The following AVEN variants were observed in gnomAD, a reference collection of about 807,000 sequenced individuals.
AVEN encodes cell death regulator Aven.
Under a neutral mutation model 38.1 loss-of-function variants are expected in AVEN, and 41 were observed. That is an observed-to-expected ratio of 1.08 (90% CI 0.84 to 1.40). AVEN has a LOEUF of 1.40. Among genes scored for constraint, AVEN ranks in the 40% most tolerant of loss-of-function variants. The probability of loss-of-function intolerance (pLI) is 0.00; values close to 1 mark genes in which losing one functional copy is unlikely to be tolerated. For missense variants in AVEN, 605 were observed against 438.8 expected (o/e 1.38, Z -3.38); for synonymous variants, 206 against 171.8 (o/e 1.20, Z -1.56).
At chr15:33,965,997 C>T (rs760558195) in intron 2 of AVEN, among the ~76,000 whole-genome samples, 2 of 152,088 alleles carry the variant, frequency 1.3e-5, no homozygotes, top group Non-Finnish European at 2.9e-5. Context: ...TCCACAATGG[C>T]TGAAGTATAA....
intron 2 of AVEN, chr15:34,067,360 C>G (rs538765770): frequency 6.6e-6 from 1 of 152,138 alleles, no homozygotes; most frequent in African/African-American, 2.4e-5. Context: ...CTCCAGTTGT[C>G]TACTGTAAAT....
At chr15:34,022,021 T>A (rs1898223918) in intron 1 of AVEN, among the ~76,000 whole-genome samples, 1 of 152,152 alleles carries the variant, frequency 6.6e-6, no homozygotes, top group African/African-American at 2.4e-5. Context: ...CAAGTGCAAA[T>A]ATTTTGTAGA....
At chr15:33,950,918 G>C (rs1328809939) in intron 2 of AVEN, among the ~76,000 whole-genome samples, 1 of 152,140 alleles carries the variant, frequency 6.6e-6, no homozygotes, top group Non-Finnish European at 1.5e-5. Context: ...GAGGCAGGAG[G>C]ATCACTTGAG....
chr15:33,864,421 G>A (rs1029502941), downstream of AVEN, among the ~76,000 whole-genome samples: 10 of 151,178 alleles, frequency 6.6e-5, no homozygotes, highest in African/African-American at 2.2e-4. Context: ...TAGAAGAGCT[G>A]GAGGTGGGGA....
downstream of AVEN, chr15:33,858,029 A>G: frequency 7.5e-7 from 1 of 1,333,094 alleles, no homozygotes; most frequent in Non-Finnish European, 1.0e-6. Context: ...AGAGTTAGTT[A>G]CAGAGCACAG....
At chr15:33,858,448 C>G (rs2079949635), downstream of AVEN, among the ~76,000 whole-genome samples, 2 of 151,238 alleles carry the variant, frequency 1.3e-5, no homozygotes, top group South Asian at 2.1e-4. Context: ...CTCAGGTGAT[C>G]TGCCCACCTC....
At chr15:34,023,196 AAAG>A (rs1898288486) in intron 1 of AVEN, among the ~76,000 whole-genome samples, 1 of 152,000 alleles carries the variant, frequency 6.6e-6, no homozygotes, top group Admixed American at 6.5e-5. Context: ...AAAAAAAGGA[AAAG>A]AACAATGAGA....
At chr15:34,043,549 G>C (rs946525740), upstream of AVEN, among the ~76,000 whole-genome samples, 1 of 152,132 alleles carries the variant, frequency 6.6e-6, no homozygotes, top group African/African-American at 2.4e-5. Context: ...CCAGCTACAG[G>C]GGGAGAGACT....
chr15:34,061,757 C>A (rs1900340359), intron 5 of AVEN, among the ~76,000 whole-genome samples: 1 of 152,164 alleles, frequency 6.6e-6, no homozygotes, highest in Non-Finnish European at 1.5e-5. Flanking sequence ...TTATCTTCAG[C>A]AGCTGGGGCA....
chr15:34,033,438 G>A (rs879633771), intron 1 of AVEN, among the ~76,000 whole-genome samples: 5 of 151,750 alleles, frequency 3.3e-5, no homozygotes, highest in Non-Finnish European at 5.9e-5. Flanking sequence ...CCCAAGAGGC[G>A]GAGATTGCAG....
At chr15:34,019,491 T>C (rs1484689720) in intron 1 of AVEN, among the ~76,000 whole-genome samples, 1 of 152,220 alleles carries the variant, frequency 6.6e-6, no homozygotes, top group African/African-American at 2.4e-5. Context: ...ATAAAGTCTA[T>C]AGTAGTGTAC....
Position 34,063,612 on chromosome 15 carries a change from C to A in AVEN, n.1127-180G>T. ...AAGCGCCAATTGGGCCAAAGCTGAG[C>A]AGCTCACCACCTGTAGCAGCTACCC... On this transcript the variant is annotated intron_variant and non_coding_transcript_variant, in intron 4 of 11. Transcript: ENST00000675287. This position sits in a 1 kb window ranked among gnomAD's most constrained non-coding sequence, Gnocchi z 4.1. The A allele has an allele frequency of 6.2e-7, 1 of 1,613,962 alleles. No homozygotes were observed. Among genetic ancestry groups the A allele is most frequent in the Non-Finnish European group, 8.5e-7 (1 of 1,180,026 alleles).
intron 2 of AVEN, among the ~76,000 whole-genome samples, chr15:33,877,716 C>T (rs148653306): frequency 3.0e-4 from 45 of 152,030 alleles, no homozygotes; most frequent in African/African-American, 9.4e-4. Context: ...TGTCGGAGGC[C>T]GAGGCAGGCG....
chr15:34,003,045 G>A lies in AVEN; in HGVS notation c.432C>T (p.Leu144=), dbSNP rs373433475. The A allele has an allele frequency of 5.6e-6, 9 of 1,613,564 alleles. No homozygotes were observed. The African/African-American group carries it at 9.3e-5, about 17-fold the overall frequency. The change falls in exon 2 of 6, where the codon CTC becomes CTT. Residue 144 remains leucine, a synonymous_variant. Transcript: ENST00000306730. Reference sequence around the variant, plus strand: ...TGGAATTCATACCTGCAGAGCTAAGGAGGACACTGAAATCTGTTCCCCTCT... The same window carrying A: ...TGGAATTCATACCTGCAGAGCTAAGAAGGACACTGAAATCTGTTCCCCTCT... ...ESQRGTDFSV[L]LSSAGDSFSQ...
rs1469165227 is a variant in AVEN at position 33,866,775 on chromosome 15, T to C, written c.974-47A>G. ...TAACACCCTCAGATGAGTCCTAAAA[T>C]TGAAGGTATAATTCAGCCCAATTTA... is the stretch of plus-strand genomic sequence containing the variant. On this transcript the variant is annotated intron_variant, in intron 5 of 5. Coordinates refer to ENST00000306730, the MANE Select transcript of AVEN (RefSeq NM_020371.3). 8.7e-6 allele frequency: 12 copies of C among 1,385,202 alleles called. No homozygotes were observed. The East Asian group carries it at 2.5e-4, about 29-fold the overall frequency. 85.8% of individuals were successfully genotyped at this position (1,385,202 alleles called of 1,614,324 possible).
intron 2 of AVEN, among the ~76,000 whole-genome samples, chr15:33,945,146 T>C (rs1894460650): frequency 6.6e-6 from 1 of 152,182 alleles, no homozygotes; most frequent in Admixed American, 6.5e-5. Context: ...GTCTCTTTAT[T>C]TATTGCAATG....
At chr15:33,959,030 G>A (rs188018850) in intron 2 of AVEN, among the ~76,000 whole-genome samples, 25 of 152,218 alleles carry the variant, frequency 1.6e-4, no homozygotes, top group African/African-American at 5.8e-4. Context: ...AACATCAGCA[G>A]GGTCAAGATT....
chr15:33,861,632 C>G (rs1888261773), downstream of AVEN, among the ~76,000 whole-genome samples: 1 of 152,150 alleles, frequency 6.6e-6, no homozygotes. Flanking sequence ...TCCTGTGAAC[C>G]TCCTACTGGC....
chr15:33,871,953 T>C (rs9302283), intron 3 of AVEN, among the ~76,000 whole-genome samples: 1 of 152,142 alleles, frequency 6.6e-6, no homozygotes, highest in Non-Finnish European at 1.5e-5. Flanking sequence ...TAAATCAGCA[T>C]TTTGTACATG....
Sources: gnomAD v4.1 joint callset for allele counts (sites outside exome capture counted in the v4.1 genomes callset) on GRCh38, gnomAD v4.1.1 for gene constraint, Gnocchi (gnomAD v3.1) non-coding constraint, MANE v1.5 for transcripts, NCBI Gene and HGNC (gene_info 2026-07-23, HGNC 2026-07-21) for gene names.